The following RBFOX1 variants were observed in gnomAD, a reference collection of about 807,000 sequenced individuals.
RBFOX1 encodes RNA binding fox-1 homolog 1, also known as RNA binding protein fox-1 homolog 1.
A neutral mutation model predicts 57.7 loss-of-function variants in RBFOX1; 8 were observed. The observed-to-expected ratio is 0.14, with a 90% confidence interval of 0.08 to 0.25. RBFOX1 has a LOEUF of 0.25. Among genes scored for constraint, RBFOX1 ranks in the 10% least tolerant of loss-of-function variants. The pLI is 1.00. For missense variants in RBFOX1, 611 were observed against 548.5 expected, an observed-to-expected ratio of 1.11 and a Z score of -1.14; for synonymous variants, 326 against 222.4, an observed-to-expected ratio of 1.47 and a Z score of -4.15.
At chr16:6,822,819 G>C (rs147366116) in intron 3 of RBFOX1, among the ~76,000 whole-genome samples, 1 of 152,282 alleles carries the variant, frequency 6.6e-6, no homozygotes, top group Non-Finnish European at 1.5e-5. Flanking sequence ...TAAGCCTTTT[G>C]AGAGCAATAG....
At chr16:6,482,294 G>T (rs1328398951) in intron 2 of RBFOX1, among the ~76,000 whole-genome samples, 2 of 152,158 alleles carry the variant, frequency 1.3e-5, no homozygotes, top group Non-Finnish European at 2.9e-5. Context: ...AGCCATCTTA[G>T]TGCACACAGC....
intron 3 of RBFOX1, among the ~76,000 whole-genome samples, chr16:6,766,931 C>T (rs2077413655): frequency 6.6e-6 from 1 of 152,080 alleles, no homozygotes; most frequent in South Asian, 2.1e-4. Flanking sequence ...GCTCTGAATG[C>T]AGCCCGTGGT....
intron 3 of RBFOX1, among the ~76,000 whole-genome samples, chr16:6,707,478 GT>G (rs61418784): frequency 0.015 from 1,942 of 128,258 alleles, 41 homozygotes; most frequent in East Asian, 0.089. Flanking sequence ...TCCCATTTTT[GT>G]TTTTTTTTTT....
intron 1 of RBFOX1, among the ~76,000 whole-genome samples, chr16:5,277,835 C>G (rs1567270226): frequency 2.0e-5 from 3 of 152,132 alleles, no homozygotes; most frequent in Non-Finnish European, 4.4e-5. Context: ...GGATTTCATT[C>G]TTTTTTATGG....
At chr16:5,672,779 TA>T (rs1256128521) in intron 3 of RBFOX1, among the ~76,000 whole-genome samples, 1 of 152,106 alleles carries the variant, frequency 6.6e-6, no homozygotes, top group Non-Finnish European at 1.5e-5. Context: ...GCAGCCCAGC[TA>T]AATTCAGTGG....
chr16:7,318,489 G>A (rs189566393), intron 4 of RBFOX1, among the ~76,000 whole-genome samples: 32 of 152,286 alleles, frequency 2.1e-4, no homozygotes, highest in Admixed American at 1.1e-3. Context: ...CCTTTGCACC[G>A]TTGGGCAAAT....
chr16:5,872,075 A>G (rs945687167), intron 4 of RBFOX1, among the ~76,000 whole-genome samples: 1 of 152,202 alleles, frequency 6.6e-6, no homozygotes, highest in Non-Finnish European at 1.5e-5. Context: ...CGTTCTCAGG[A>G]AAATAAATTG....
intron 1 of RBFOX1, among the ~76,000 whole-genome samples, chr16:6,226,421 A>T (rs1872649562): frequency 6.6e-6 from 1 of 151,500 alleles, no homozygotes; most frequent in Admixed American, 6.6e-5. Flanking sequence ...AATTTTCAGC[A>T]ATGTGAAGTA....
intron 1 of RBFOX1, among the ~76,000 whole-genome samples, chr16:5,367,181 T>C (rs1005003549): frequency 2.0e-5 from 3 of 152,224 alleles, no homozygotes; most frequent in African/African-American, 7.2e-5. Context: ...TTATACAGAA[T>C]ATAATTATTT....
At chr16:6,939,610 C>T (rs1176481589) in intron 3 of RBFOX1, among the ~76,000 whole-genome samples, 1 of 151,140 alleles carries the variant, frequency 6.6e-6, no homozygotes, top group African/African-American at 2.4e-5. Context: ...CTCCCAAGTT[C>T]ACTTGATTCT....
intron 1 of RBFOX1, among the ~76,000 whole-genome samples, chr16:5,296,115 C>G (rs942446150): frequency 6.6e-6 from 1 of 152,216 alleles, no homozygotes; most frequent in Non-Finnish European, 1.5e-5. Flanking sequence ...CTCACAGACG[C>G]CTTCTTCATT....
chr16:7,307,626 A>G (rs2096221087), intron 4 of RBFOX1, among the ~76,000 whole-genome samples: 1 of 152,146 alleles, frequency 6.6e-6, no homozygotes, highest in African/African-American at 2.4e-5. Flanking sequence ...CACATCCAAG[A>G]TGTTACTACA....
Position 7,014,614 on chromosome 16 carries a change from C to A in RBFOX1, c.-15-37443C>A, listed in dbSNP as rs185755523. ...GGGGATAACTGTCTTTGCAAAAATA[C>A]ATTTAAAAGGTTGGGAAAATATATT... On this transcript the variant is annotated intron_variant, in intron 3 of 15. Transcript: ENST00000550418. 1.5e-3 allele frequency among the ~76,000 whole-genome samples: 223 copies of A among 152,170 alleles called. 4 individuals carry two copies. Among genetic ancestry groups the A allele is most frequent in the Admixed American group, 0.013 (197 of 15,288 alleles).
chr16:7,423,572 A>G (rs2098568369), intron 4 of RBFOX1, among the ~76,000 whole-genome samples: 1 of 152,108 alleles, frequency 6.6e-6, no homozygotes, highest in Non-Finnish European at 1.5e-5. Flanking sequence ...TCCTACCCTC[A>G]CACTACTGGA....
chr16:6,016,530 G>A (rs1380685522), upstream of RBFOX1, among the ~76,000 whole-genome samples: 4 of 152,202 alleles, frequency 2.6e-5, no homozygotes, highest in African/African-American at 9.6e-5. Flanking sequence ...AAGATCCTAA[G>A]TTTTAAAGTA....
Position 6,294,772 on chromosome 16 carries a change from G to C in RBFOX1, c.-126-22223G>C, listed in dbSNP as rs562686416. On this transcript the variant is annotated intron_variant, in intron 1 of 15. Coordinates refer to ENST00000550418, the MANE Select transcript of RBFOX1 (RefSeq NM_018723.4). ...TGTTAAAATGTATAATTCTGGAAAT[G>C]TTCCTCTTGTTTTGAGTCTCTGATG... Among the ~76,000 whole-genome samples, 3 of 152,284 alleles carry C rather than the reference G, an allele frequency of 2.0e-5. No homozygotes were observed. In the East Asian group the frequency reaches 5.8e-4, roughly 29 times the overall value.
chr16:5,456,182 A>G (rs2151582349), intron 1 of RBFOX1, among the ~76,000 whole-genome samples: 1 of 152,252 alleles, frequency 6.6e-6, no homozygotes, highest in Non-Finnish European at 1.5e-5. Flanking sequence ...CCTTAAGCCC[A>G]TTTCTCCATG....
At chr16:6,183,470 G>C (rs2097081502) in intron 1 of RBFOX1, among the ~76,000 whole-genome samples, 1 of 141,070 alleles carries the variant, frequency 7.1e-6, no homozygotes, top group Middle Eastern at 3.6e-3. Context: ...ACAGAGCAAG[G>C]CTCCATCTAA....
chr16:7,420,702 T>C (rs2098532484), intron 4 of RBFOX1, among the ~76,000 whole-genome samples: 2 of 151,824 alleles, frequency 1.3e-5, no homozygotes, highest in African/African-American at 4.8e-5. Flanking sequence ...ATTGGGCATA[T>C]AGCAGGGGTC....
Sources: gnomAD v4.1 joint callset for allele counts (sites outside exome capture counted in the v4.1 genomes callset) on GRCh38, gnomAD v4.1.1 for gene constraint, MANE v1.5 for transcripts, NCBI Gene and HGNC (gene_info 2026-07-23, HGNC 2026-07-21) for gene names.